Variants in TRAF3IP2 observed in about 807,000 individuals in gnomAD.
TRAF3IP2 encodes the protein TRAF3 interacting protein 2.
TRAF3IP2 carries 35 observed loss-of-function variants against 57.9 expected under a neutral mutation model. The ratio of observed to expected loss-of-function variants is 0.60; its 90% CI spans 0.46 to 0.80. The LOEUF (loss-of-function observed/expected upper bound fraction) is 0.80, where lower values mean the gene tolerates loss of function less well. Ranked by LOEUF, TRAF3IP2 falls within the 30% of genes least tolerant of loss-of-function variation. The pLI, the probability that TRAF3IP2 is intolerant of heterozygous loss-of-function variation, is 0.00. For synonymous variants in TRAF3IP2, 251 were observed against 268.9 expected (o/e 0.93, Z 0.65); for missense variants, 556 against 706.4 (o/e 0.79, Z 2.41).
chr6:111,573,564 C>T (rs978228322), intron 4 of TRAF3IP2: 2 of 152,012 alleles, frequency 1.3e-5, no homozygotes, highest in African/African-American at 4.8e-5. Flanking sequence ...CAAAGCACAG[C>T]TCAGATATGT....
chr6:111,580,625 T>G (rs1206064795), intron 2 of TRAF3IP2, among the ~76,000 whole-genome samples: 1 of 152,230 alleles, frequency 6.6e-6, no homozygotes, highest in East Asian at 1.9e-4. Context: ...AGTTTGGTAT[T>G]CCAGCTGGAG....
chr6:111,571,995 A>T (rs1452615903), intron 5 of TRAF3IP2, among the ~76,000 whole-genome samples: 2 of 152,190 alleles, frequency 1.3e-5, no homozygotes, highest in African/African-American at 4.8e-5. Context: ...AATAACTTTT[A>T]AAATTGATAT....
chr6:111,577,417 T>C (rs12663048), intron 3 of TRAF3IP2, among the ~76,000 whole-genome samples: 40,220 of 152,122 alleles, frequency 0.26, 5,920 homozygotes, highest in East Asian at 0.43. Context: ...TTTTTCTTTT[T>C]TTTGAGGCAG....
intron 6 of TRAF3IP2, 175 bp downstream of exon 6, chr6:111,567,449 C>T (rs1029635596): frequency 5.3e-6 from 7 of 1,315,790 alleles, no homozygotes; most frequent in Admixed American, 7.6e-5. Context: ...TCCAAGAGGG[C>T]GACTCCGTCC....
At chr6:111,604,954 T>A (rs889966138) in intron 1 of TRAF3IP2, among the ~76,000 whole-genome samples, 1 of 152,082 alleles carries the variant, frequency 6.6e-6, no homozygotes. Context: ...CCCCATCAAT[T>A]TACTGATGAA....
At chr6:111,604,309 C>T (rs957651433) in intron 1 of TRAF3IP2, among the ~76,000 whole-genome samples, 7 of 152,316 alleles carry the variant, frequency 4.6e-5, no homozygotes, top group Admixed American at 3.3e-4. Flanking sequence ...AGTCATCACC[C>T]TTACATGGTA....
chr6:111,584,596 A>T (rs1186715704), intron 2 of TRAF3IP2, among the ~76,000 whole-genome samples: 2 of 151,980 alleles, frequency 1.3e-5, no homozygotes, highest in African/African-American at 4.8e-5. Context: ...CAGGAGTTTA[A>T]GACCAGCCTG....
intron 1 of TRAF3IP2, chr6:111,602,146 T>C (rs1796886435): frequency 1.3e-5 from 2 of 152,234 alleles, no homozygotes; most frequent in African/African-American, 4.8e-5. Context: ...CACATCAGGC[T>C]GAAGGCAGTG....
chr6:111,591,797 C>T lies in TRAF3IP2; in HGVS notation c.290G>A (p.Arg97Lys), dbSNP rs1796529303. 6.2e-7 allele frequency: 1 copy of T among 1,614,248 alleles called. No homozygotes were observed. The highest frequency in any genetic ancestry group is 1.3e-5 in the African/African-American group (1 of 75,064). ...VLEDSEDSFC[R>K]RHPGLGKAFP... ...AGCTTTGCCCAGGCCTGGGTGTCTC[C>T]TGCAGAAACTGTCTTCACTGTCCTC... is the stretch of plus-strand genomic sequence containing the variant. Residue 97 changes from arginine to lysine, a missense_variant, in exon 2 of 9, where the codon AGG (arginine) becomes AAG (lysine). Around this residue, in one of 2 missense-constraint regions of TRAF3IP2, gnomAD observed 428 missense variants for 498.7 expected, o/e 0.86. Coordinates refer to ENST00000368761, the MANE Select transcript of TRAF3IP2 (RefSeq NM_147686.4). This position sits in a 1 kb window ranked among gnomAD's most constrained non-coding sequence, Gnocchi z 4.9.
chr6:111,573,054 A>C, intron 4 of TRAF3IP2, 71 bp from the exon 5 acceptor site: 1 of 1,202,930 alleles, frequency 8.3e-7, no homozygotes, highest in Non-Finnish European at 1.2e-6. Context: ...TCTAAATTAT[A>C]TGCAATATCT....
chr6:111,584,716 C>T (rs112026250), intron 2 of TRAF3IP2, among the ~76,000 whole-genome samples: 3,078 of 148,666 alleles, frequency 0.021, 48 homozygotes, highest in Middle Eastern at 0.035. Context: ...CATCATTTCA[C>T]TGCTAAAGTT....
At chr6:111,595,370 G>A (rs1469376550) in intron 1 of TRAF3IP2, among the ~76,000 whole-genome samples, 2 of 152,152 alleles carry the variant, frequency 1.3e-5, no homozygotes, top group African/African-American at 4.8e-5. Flanking sequence ...ATGGACCCTG[G>A]TGTTTCAAAC....
In TRAF3IP2 at chr6:111,559,528, C is replaced by T. The variant is rs2128368085; in HGVS notation, c.1575G>A (p.Gln525=). 2 of 1,614,148 alleles carry T rather than the reference C, an allele frequency of 1.2e-6. No individual in the cohort carries two copies. The highest frequency in any genetic ancestry group is 8.5e-7 in the Non-Finnish European group (1 of 1,180,004). Reference sequence around the variant, plus strand: ...TGGGCCAGCTGTAGACATGAGTGTTCTGAAGCCAGGTGGGCACATGCTCCT... The same window carrying T: ...TGGGCCAGCTGTAGACATGAGTGTTTTGAAGCCAGGTGGGCACATGCTCCT... ...AKKEHVPTWL[Q]NTHVYSWPKN... The change falls in exon 9 of 9, where the codon CAG becomes CAA. Residue 525 remains glutamine, a synonymous_variant. Transcript: ENST00000368761.
chr6:111,572,336 G>C (rs972010264), intron 5 of TRAF3IP2, among the ~76,000 whole-genome samples: 2 of 152,170 alleles, frequency 1.3e-5, no homozygotes, highest in Non-Finnish European at 2.9e-5. Context: ...CCTGGAACTG[G>C]ATTAGACCAG....
At position 111,563,022 on chromosome 6, in the gene TRAF3IP2, T is replaced by C; in HGVS notation, c.1494A>G (p.Ile498Met). 1.9e-6 allele frequency: 3 copies of C among 1,613,160 alleles called. No homozygotes were observed. Among genetic ancestry groups the C allele is most frequent in the Non-Finnish European group, 2.5e-6 (3 of 1,179,704 alleles). ...YIHRMMQIEF[I>M]KQGSMNFRFI... ...ATCTGAAATTCATGCTTCCTTGTTT[T>C]ATGAACTCAATCTGCATCTGAAACC... is the stretch of plus-strand genomic sequence containing the variant. The change falls in exon 8 of 9, where the codon ATA becomes ATG. Residue 498 changes from isoleucine to methionine, a missense_variant. Physicochemically the swap from Ile to Met is conservative, Grantham distance 10. Around this residue, in one of 2 missense-constraint regions of TRAF3IP2, gnomAD observed 128 missense variants for 207.7 expected, o/e 0.62. Coordinates refer to ENST00000368761, the MANE Select transcript of TRAF3IP2 (RefSeq NM_147686.4).
At position 111,591,645 on chromosome 6, in the gene TRAF3IP2, C is replaced by A; in HGVS notation, c.442G>T (p.Ala148Ser). The A allele has an allele frequency of 6.2e-7, 1 of 1,614,222 alleles. No homozygotes were observed. The highest frequency in any genetic ancestry group is 1.7e-5 in the Admixed American group (1 of 60,026). The change falls in exon 2 of 9, where the codon GCT becomes TCT. Residue 148 changes from alanine (A) to serine (S), a missense_variant. Coordinates refer to ENST00000368761, the MANE Select transcript of TRAF3IP2 (RefSeq NM_147686.4). The surrounding 1 kb of genome is among the most constrained non-coding windows in gnomAD (Gnocchi z 4.9). ...GAGTCATGGCCAGTGTCAGGAGAAGCCGCTGAAAGCTGAGATACCAGCCAT... is the reference window on the plus strand; with the variant it reads ...GAGTCATGGCCAGTGTCAGGAGAAGACGCTGAAAGCTGAGATACCAGCCAT... ...NQWLVSQLSAASPDTGHDSDK... is the reference protein window; with the variant it reads ...NQWLVSQLSASSPDTGHDSDK...
At chr6:111,584,203 T>C (rs1403788076) in intron 2 of TRAF3IP2, among the ~76,000 whole-genome samples, 3 of 152,204 alleles carry the variant, frequency 2.0e-5, no homozygotes, top group African/African-American at 7.2e-5. Context: ...CATGTCTTTG[T>C]CTCACAGCAA....
intron 1 of TRAF3IP2, among the ~76,000 whole-genome samples, chr6:111,602,921 G>T (rs77710361): frequency 0.056 from 8,534 of 152,164 alleles, 442 homozygotes; most frequent in African/African-American, 0.14. Context: ...TGGGAGCTCC[G>T]GTCAGTCCTG....
At chr6:111,597,352 T>C (rs1242701646) in intron 1 of TRAF3IP2, among the ~76,000 whole-genome samples, 2 of 152,122 alleles carry the variant, frequency 1.3e-5, no homozygotes, top group Non-Finnish European at 2.9e-5. Flanking sequence ...AGGGAGTTGC[T>C]GGTCTTTGTG....
Sources: allele counts gnomAD v4.1 joint callset (sites outside exome capture counted in the v4.1 genomes callset), GRCh38; gene constraint gnomAD v4.1.1; regional missense constraint gnomAD v4.1.1; non-coding constraint Gnocchi (gnomAD v3.1); transcripts MANE v1.5; gene names NCBI Gene and HGNC (gene_info 2026-07-23, HGNC 2026-07-21).